Variants in SH3RF2 observed in about 807,000 individuals in gnomAD.
The protein encoded by SH3RF2 is SH3 domain containing ring finger 2.
A neutral mutation model predicts 59.0 loss-of-function variants in SH3RF2; 43 were observed. The ratio of observed to expected loss-of-function variants is 0.73; its 90% CI spans 0.57 to 0.94. The LOEUF (loss-of-function observed/expected upper bound fraction) is 0.94, where lower values mean the gene tolerates loss of function less well. Among genes scored for constraint, SH3RF2 ranks in the 40% least tolerant of loss-of-function variants. SH3RF2 has a pLI of 0.00. For synonymous variants in SH3RF2, 391 were observed against 391.5 expected, an observed-to-expected ratio of 1.00 and a Z score of 0.01; for missense variants, 930 against 940.1, an observed-to-expected ratio of 0.99 and a Z score of 0.14.
At chr5:146,006,806 G>T (rs1019273696) in intron 4 of SH3RF2, among the ~76,000 whole-genome samples, 4 of 152,188 alleles carry the variant, frequency 2.6e-5, no homozygotes, top group Admixed American at 1.3e-4. Context: ...TAAATTCCAT[G>T]TTCAGTGCAG....
chr5:146,070,387 A>G (rs1763206981), intron 9 of SH3RF2, among the ~76,000 whole-genome samples: 1 of 152,180 alleles, frequency 6.6e-6, no homozygotes, highest in African/African-American at 2.4e-5. Flanking sequence ...TTGCTGTCCA[A>G]CAAGTAGGGG....
At chr5:146,006,260 C>A (rs1377387360) in intron 4 of SH3RF2, among the ~76,000 whole-genome samples, 1 of 151,976 alleles carries the variant, frequency 6.6e-6, no homozygotes, top group Non-Finnish European at 1.5e-5. Context: ...CCCATCTCTA[C>A]AGAAAATTTA....
At chr5:146,040,838 C>T (rs1762099647) in intron 5 of SH3RF2, among the ~76,000 whole-genome samples, 1 of 152,126 alleles carries the variant, frequency 6.6e-6, no homozygotes, top group African/African-American at 2.4e-5. Flanking sequence ...CTGATAGCCT[C>T]CTGGCAGCCG....
At chr5:145,948,860 C>G (rs1314215977) in intron 2 of SH3RF2, among the ~76,000 whole-genome samples, 2 of 152,236 alleles carry the variant, frequency 1.3e-5, no homozygotes, top group Non-Finnish European at 1.5e-5. Context: ...GTTCATGTCT[C>G]TTTTCTACTA....
chr5:145,952,329 A>G (rs983292392), intron 2 of SH3RF2, among the ~76,000 whole-genome samples: 2 of 152,176 alleles, frequency 1.3e-5, no homozygotes, highest in African/African-American at 4.8e-5. Flanking sequence ...ATTCCTTCTC[A>G]TAAAGAGCCT....
intron 2 of SH3RF2, among the ~76,000 whole-genome samples, chr5:145,977,882 G>A (rs1490387377): frequency 6.6e-6 from 1 of 152,206 alleles, no homozygotes; most frequent in East Asian, 1.9e-4. Flanking sequence ...AGTAAATTTT[G>A]TGGACTGATT....
chr5:145,988,385 G>A (rs1047674080), intron 2 of SH3RF2, among the ~76,000 whole-genome samples: 2 of 151,742 alleles, frequency 1.3e-5, no homozygotes, highest in African/African-American at 4.8e-5. Flanking sequence ...GGACTTAGAG[G>A]TTATCTCCCA....
intron 5 of SH3RF2, among the ~76,000 whole-genome samples, chr5:146,043,584 T>C (rs6898427): frequency 0.34 from 52,165 of 152,152 alleles, 9,315 homozygotes; most frequent in Non-Finnish European, 0.39. Flanking sequence ...AGATACCAGA[T>C]GTTTGCATCA....
At chr5:145,949,902 T>C (rs1395738883) in intron 2 of SH3RF2, among the ~76,000 whole-genome samples, 1 of 152,232 alleles carries the variant, frequency 6.6e-6, no homozygotes, top group Non-Finnish European at 1.5e-5. Context: ...AAGATTTTTT[T>C]CACAACAGAA....
chr5:146,066,257 GAA>G (rs1258276268), downstream of SH3RF2, among the ~76,000 whole-genome samples: 1 of 152,188 alleles, frequency 6.6e-6, no homozygotes, highest in Non-Finnish European at 1.5e-5. Flanking sequence ...CTGCAAATGC[GAA>G]AGAGCCTAGA....
intron 5 of SH3RF2, among the ~76,000 whole-genome samples, chr5:146,015,095 GA>G (rs1761053637): frequency 6.6e-6 from 1 of 152,068 alleles, no homozygotes; most frequent in South Asian, 2.1e-4. Context: ...TTTTAAACAT[GA>G]ATTTCTACCT....
chr5:146,035,455 A>AAAAGCTATT (rs11282529), intron 5 of SH3RF2, among the ~76,000 whole-genome samples: 49,943 of 151,640 alleles, frequency 0.33, 8,663 homozygotes, highest in Non-Finnish European at 0.38. Context: ...TCCTTAGGAA[A>AAAAGCTATT]AAAGCGTCCC....
At chr5:145,972,285 T>C (rs1759114489) in intron 2 of SH3RF2, among the ~76,000 whole-genome samples, 1 of 151,876 alleles carries the variant, frequency 6.6e-6, no homozygotes, top group South Asian at 2.1e-4. Flanking sequence ...TTAACTACAA[T>C]AGGTGAAGAG....
At chr5:145,977,897 CCT>C (rs1296597235) in intron 2 of SH3RF2, among the ~76,000 whole-genome samples, 1 of 152,156 alleles carries the variant, frequency 6.6e-6, no homozygotes, top group Non-Finnish European at 1.5e-5. Context: ...CTGATTGACC[CCT>C]GTTTCACAGA....
intron 9 of SH3RF2, among the ~76,000 whole-genome samples, chr5:146,068,437 GT>G (rs1205420489): frequency 6.6e-6 from 1 of 152,216 alleles, no homozygotes; most frequent in Non-Finnish European, 1.5e-5. Context: ...TGCTTCTCTT[GT>G]TTATATCTTG....
At chr5:145,995,263 C>T (rs1760102662) in intron 2 of SH3RF2, among the ~76,000 whole-genome samples, 1 of 152,192 alleles carries the variant, frequency 6.6e-6, no homozygotes, top group African/African-American at 2.4e-5. Flanking sequence ...TGCTTACTCC[C>T]ACACTGGCCT....
At chr5:145,989,467 TAC>T (rs1476896679) in intron 2 of SH3RF2, among the ~76,000 whole-genome samples, 3 of 152,226 alleles carry the variant, frequency 2.0e-5, no homozygotes, top group Non-Finnish European at 4.4e-5. Flanking sequence ...CCTACTTGTG[TAC>T]AGTGTTCAAA....
intron 7 of SH3RF2, among the ~76,000 whole-genome samples, chr5:146,051,922 T>G (rs1296405034): frequency 6.6e-6 from 1 of 152,196 alleles, no homozygotes; most frequent in Non-Finnish European, 1.5e-5. Context: ...GAGTAAATGC[T>G]GACTGCAGGA....
In SH3RF2 at chr5:146,028,163, AACACACAC is replaced by A. The variant is rs10586561; in HGVS notation, c.1059+14142_1059+14149del. ...GATATCCAAGGCCAATGAGGCCTGC[AACACACAC>A]ACACACACACACACACACACACACA... On this transcript the variant is annotated intron_variant, in intron 5 of 9. Transcript: ENST00000359120. 5.2e-3 allele frequency among the ~76,000 whole-genome samples: 734 copies of A among 142,402 alleles called. 1 individual carries two copies. The highest frequency in any genetic ancestry group is 8.9e-3 in the African/African-American group (332 of 37,222). The allele number at this position is 142,402 out of a possible 152,430, so 93.4% of individuals were successfully genotyped here.
Sources: gnomAD v4.1 joint callset for allele counts (sites outside exome capture counted in the v4.1 genomes callset) on GRCh38, gnomAD v4.1.1 for gene constraint, MANE v1.5 for transcripts, NCBI Gene and HGNC (gene_info 2026-07-23, HGNC 2026-07-21) for gene names.